Variants in DNAJC1 observed in about 807,000 individuals in gnomAD.
DNAJC1 encodes dnaJ homolog subfamily C member 1.
DNAJC1 carries 58 observed loss-of-function variants against 76.6 expected under a neutral mutation model. The observed-to-expected ratio is 0.76, with a 90% CI of 0.61 to 0.94. The LOEUF (loss-of-function observed/expected upper bound fraction) is 0.94, where lower values mean the gene tolerates loss of function less well. Among genes scored for constraint, DNAJC1 ranks in the 40% least tolerant of loss-of-function variants. DNAJC1 has a pLI of 0.00. For missense variants in DNAJC1, 689 were observed against 677.3 expected, an observed-to-expected ratio of 1.02 and a Z score of -0.19; for synonymous variants, 258 against 267.9, an observed-to-expected ratio of 0.96 and a Z score of 0.36.
chr10:21,883,295 C>CACACACACACACACACACACA (rs1554893891), intron 7 of DNAJC1, among the ~76,000 whole-genome samples: 1 of 149,852 alleles, frequency 6.7e-6, no homozygotes, highest in Non-Finnish European at 1.5e-5. Context: ...CACACACACA[C>CACACACACACACACACACACA]CATTTTAACT....
intron 8 of DNAJC1, among the ~76,000 whole-genome samples, chr10:21,826,329 T>A (rs551036414): frequency 3.4e-4 from 52 of 151,976 alleles, no homozygotes; most frequent in Non-Finnish European, 7.4e-4. Flanking sequence ...TCTCTCTCTC[T>A]TTTTATTTTA....
intron 1 of DNAJC1, among the ~76,000 whole-genome samples, chr10:21,955,903 T>C (rs971792711): frequency 3.9e-5 from 6 of 152,226 alleles, no homozygotes; most frequent in Admixed American, 6.5e-5. Flanking sequence ...TAACAGAATA[T>C]GTAGATGTAA....
chr10:21,817,644 A>C (rs1396774248), intron 8 of DNAJC1, among the ~76,000 whole-genome samples: 1 of 152,256 alleles, frequency 6.6e-6, no homozygotes, highest in Non-Finnish European at 1.5e-5. Flanking sequence ...TATTCTGCAA[A>C]AAAATTTAAG....
chr10:21,799,700 A>G (rs1834792050), intron 9 of DNAJC1, among the ~76,000 whole-genome samples: 1 of 151,958 alleles, frequency 6.6e-6, no homozygotes, highest in Non-Finnish European at 1.5e-5. Context: ...GGTCCCTATC[A>G]TGCCGTCCTT....
chr10:21,865,470 T>C (rs541552335), intron 8 of DNAJC1: 5 of 152,024 alleles, frequency 3.3e-5, no homozygotes, highest in Middle Eastern at 3.4e-3. Context: ...TCAGACAAAA[T>C]AGAATTTACA....
intron 8 of DNAJC1, among the ~76,000 whole-genome samples, chr10:21,822,829 A>G (rs1014366379): frequency 6.6e-6 from 1 of 152,008 alleles, no homozygotes; most frequent in Non-Finnish European, 1.5e-5. Flanking sequence ...AAGGCTTGAA[A>G]ATTCTAAAGA....
At chr10:21,878,297 C>A (rs1836220181) in intron 8 of DNAJC1, among the ~76,000 whole-genome samples, 1 of 152,302 alleles carries the variant, frequency 6.6e-6, no homozygotes, top group South Asian at 2.1e-4. Flanking sequence ...AGATGATTAG[C>A]ATCATCGGGA....
intron 7 of DNAJC1, among the ~76,000 whole-genome samples, chr10:21,884,419 T>C (rs2131724232): frequency 6.6e-6 from 1 of 152,306 alleles, no homozygotes; most frequent in East Asian, 1.9e-4. Context: ...TCAGATGTAC[T>C]GTTGGCAGGG....
At chr10:21,939,060 T>A (rs943277628) in intron 1 of DNAJC1, among the ~76,000 whole-genome samples, 2 of 152,092 alleles carry the variant, frequency 1.3e-5, no homozygotes, top group Non-Finnish European at 2.9e-5. Context: ...CCAGCTAATT[T>A]TTGTATGTTT....
At chr10:21,812,450 T>G (rs769293994) in intron 8 of DNAJC1, among the ~76,000 whole-genome samples, 4 of 152,202 alleles carry the variant, frequency 2.6e-5, no homozygotes, top group Non-Finnish European at 5.9e-5. Flanking sequence ...ATTTGTTAAT[T>G]GGTTGTCTTC....
At chr10:21,982,497 T>G (rs1838173478) in intron 1 of DNAJC1, among the ~76,000 whole-genome samples, 1 of 152,286 alleles carries the variant, frequency 6.6e-6, no homozygotes, top group Middle Eastern at 3.4e-3. Flanking sequence ...TTGCTAATTA[T>G]ATATCTGATA....
chr10:21,866,990 T>G (rs1287179368), intron 8 of DNAJC1, among the ~76,000 whole-genome samples: 1 of 152,104 alleles, frequency 6.6e-6, no homozygotes, highest in Non-Finnish European at 1.5e-5. Flanking sequence ...GAACACAAAT[T>G]ATTAAAACTG....
chr10:21,898,199 G>T (rs1836577125), intron 7 of DNAJC1, among the ~76,000 whole-genome samples: 1 of 152,048 alleles, frequency 6.6e-6, no homozygotes, highest in Non-Finnish European at 1.5e-5. Context: ...AAAGACTGAA[G>T]AAATAAATCA....
rs755065691 is a variant in DNAJC1, at chr10:21,919,880, C to A, written c.587G>T (p.Ser196Ile). Residue 196 changes from serine (S) to isoleucine (I), a missense_variant, in exon 5 of 12, where the codon AGC becomes ATC. Transcript: ENST00000376980. ...GAGTTTTGATACATCCACACTCTTG[C>A]TGCCAGTCTTTTTTTTCTTTTCTCT... ...KKREKKKKTG[S>I]KSVDVSKLGA... is the part of the protein sequence containing the mutation. The A allele has an allele frequency of 6.2e-7, 1 of 1,608,952 alleles. No individual in the cohort carries two copies. The highest frequency in any genetic ancestry group is 8.5e-7 in the Non-Finnish European group (1 of 1,178,616).
chr10:21,829,826 T>TG (rs1469818989), intron 8 of DNAJC1, among the ~76,000 whole-genome samples: 14 of 152,266 alleles, frequency 9.2e-5, no homozygotes, highest in African/African-American at 3.4e-4. Flanking sequence ...TATCTTAATT[T>TG]ATGCCATTTA....
At chr10:21,910,150 C>G (rs956805443) in intron 6 of DNAJC1, among the ~76,000 whole-genome samples, 1 of 151,024 alleles carries the variant, frequency 6.6e-6, no homozygotes, top group African/African-American at 2.4e-5. Flanking sequence ...GAGTCTTGCT[C>G]TGTCACCCAG....
chr10:21,919,623 T>C (rs941612013), intron 5 of DNAJC1, among the ~76,000 whole-genome samples: 1 of 151,930 alleles, frequency 6.6e-6, no homozygotes, highest in African/African-American at 2.4e-5. Flanking sequence ...AAATATATAG[T>C]CACACTTTAT....
At chr10:21,849,210 T>C (rs988839848) in intron 8 of DNAJC1, among the ~76,000 whole-genome samples, 8 of 143,588 alleles carry the variant, frequency 5.6e-5, no homozygotes, top group Non-Finnish European at 1.0e-4. Flanking sequence ...AGAGAATCAT[T>C]TGAACCCAGA....
At chr10:21,933,437 A>G (rs1296403777) in intron 1 of DNAJC1, 2 of 152,250 alleles carry the variant, frequency 1.3e-5, no homozygotes, top group African/African-American at 4.8e-5. Context: ...AGGGCTTTCA[A>G]AGCTCCTACA....
Sources: gnomAD v4.1 joint callset for allele counts (sites outside exome capture counted in the v4.1 genomes callset) on GRCh38, gnomAD v4.1.1 for gene constraint, MANE v1.5 for transcripts, NCBI Gene and HGNC (gene_info 2026-07-23, HGNC 2026-07-21) for gene names.